Variants in DDC observed in about 807,000 individuals in gnomAD.
DDC encodes aromatic-L-amino-acid decarboxylase.
A neutral mutation model predicts 60.0 loss-of-function variants in DDC; 43 were observed. That is an observed-to-expected ratio of 0.72 (90% CI 0.56 to 0.92). The LOEUF is 0.92. Among genes scored for constraint, DDC ranks in the 40% least tolerant of loss-of-function variants. The pLI is 0.00. For missense variants in DDC, 573 were observed against 620.2 expected, an observed-to-expected ratio of 0.92 and a Z score of 0.81; for synonymous variants, 232 against 234.6, an observed-to-expected ratio of 0.99 and a Z score of 0.10.
At chr7:50,509,933 A>AT (rs2043502465) in intron 6 of DDC, among the ~76,000 whole-genome samples, 1 of 151,952 alleles carries the variant, frequency 6.6e-6, no homozygotes, top group Non-Finnish European at 1.5e-5. Context: ...TGATAAGTAA[A>AT]TTTTCTCATT....
chr7:50,560,252 C>T (rs976252197), intron 1 of DDC, among the ~76,000 whole-genome samples: 1 of 152,138 alleles, frequency 6.6e-6, no homozygotes, highest in South Asian at 2.1e-4. Context: ...GAGAAATTTT[C>T]GCAAGGAGCC....
intron 1 of DDC, among the ~76,000 whole-genome samples, chr7:50,552,556 T>C (rs574404090): frequency 6.6e-6 from 1 of 152,186 alleles, no homozygotes; most frequent in East Asian, 1.9e-4. Flanking sequence ...TGGACTCCCC[T>C]GAACTCCCTC....
chr7:50,506,194 G>C (rs891070124), intron 6 of DDC, among the ~76,000 whole-genome samples: 2 of 152,218 alleles, frequency 1.3e-5, no homozygotes, highest in East Asian at 1.9e-4. Context: ...CTGGTACCTA[G>C]CCCTTGAGTG....
intron 1 of DDC, among the ~76,000 whole-genome samples, chr7:50,555,769 G>A (rs761583340): frequency 6.6e-6 from 1 of 152,132 alleles, no homozygotes; most frequent in Non-Finnish European, 1.5e-5. Flanking sequence ...CAGATGAGAA[G>A]ACCGAGGCGC....
In DDC at chr7:50,470,964, CT is replaced by C. The variant is rs1322327993; in HGVS notation, c.1042-794del. Among the ~76,000 whole-genome samples, 12 of 152,336 alleles carry C rather than the reference CT, an allele frequency of 7.9e-5. 1 individual carries two copies. Among genetic ancestry groups the C allele is most frequent in the Non-Finnish European group, 4.4e-5 (3 of 68,028 alleles). On this transcript the variant is annotated intron_variant, in intron 11 of 14. Transcript: ENST00000444124. ...TGAGGAGAGCTGAGCCAGCTCCCTACTGGGCCTGGGTGACACAGTGCAGCCA... is the reference window on the plus strand; with the variant it reads ...TGAGGAGAGCTGAGCCAGCTCCCTACGGGCCTGGGTGACACAGTGCAGCCA...
At chr7:50,474,400 G>A (rs1020133780) in intron 11 of DDC, among the ~76,000 whole-genome samples, 2 of 152,236 alleles carry the variant, frequency 1.3e-5, no homozygotes, top group Non-Finnish European at 1.5e-5. Context: ...GGTGGAGGGA[G>A]TAGGATGAAG....
intron 1 of DDC, among the ~76,000 whole-genome samples, chr7:50,555,197 C>G (rs1270751837): frequency 6.6e-6 from 1 of 151,994 alleles, no homozygotes; most frequent in Non-Finnish European, 1.5e-5. Context: ...TGCCTTCGAG[C>G]CTCCCACTAA....
rs532894086 is a variant in DDC, at chr7:50,549,385, G to A, written c.-28-5272C>T. Among the ~76,000 whole-genome samples, 7 of 152,270 alleles carry A rather than the reference G, an allele frequency of 4.6e-5. No individual in the cohort carries two copies. In the South Asian group the frequency reaches 1.2e-3, roughly 27 times the overall value. The stretch of plus-strand genomic sequence containing the variant: ...GAACATTTGTGGGCCGGGCGCAGTG[G>A]CTCACTCCTGTAATCCCAGCACTTT... On this transcript the variant is annotated intron_variant, in intron 1 of 14. Transcript: ENST00000444124.
intron 14 of DDC, among the ~76,000 whole-genome samples, chr7:50,460,044 C>A (rs1318546054): frequency 6.9e-6 from 1 of 145,660 alleles, no homozygotes; most frequent in Non-Finnish European, 1.5e-5. Context: ...GCTGCCCCGT[C>A]CGGGAAGGAG....
At chr7:50,460,971 T>C (rs573056954) in intron 14 of DDC, among the ~76,000 whole-genome samples, 11 of 151,758 alleles carry the variant, frequency 7.2e-5, no homozygotes, top group Middle Eastern at 3.4e-3. Context: ...CTTGTTTATC[T>C]GCTGACCCTC....
chr7:50,461,130 G>A (rs1461515005), intron 14 of DDC, among the ~76,000 whole-genome samples: 2 of 151,626 alleles, frequency 1.3e-5, no homozygotes, highest in Non-Finnish European at 2.9e-5. Context: ...TATAAAGAAC[G>A]AACGTATAAT....
chr7:50,469,262 A>T (rs1471961816), intron 12 of DDC, among the ~76,000 whole-genome samples: 5 of 136,194 alleles, frequency 3.7e-5, no homozygotes, highest in African/African-American at 1.7e-4. Flanking sequence ...TTTTAAAAAA[A>T]AAAAAAAAAA....
chr7:50,536,743 G>A (rs1443448173), intron 4 of DDC, among the ~76,000 whole-genome samples: 1 of 152,212 alleles, frequency 6.6e-6, no homozygotes, highest in Non-Finnish European at 1.5e-5. Context: ...TATCAGTCTT[G>A]TTGCTCATTC....
intron 9 of DDC, 101 bp from the exon 10 acceptor site, chr7:50,479,964 G>A: frequency 5.8e-6 from 1 of 171,900 alleles, no homozygotes; most frequent in Non-Finnish European, 1.0e-5. Flanking sequence ...CCTGCTCCCA[G>A]CCCTGCCCTG....
In DDC at chr7:50,529,193, C is replaced by T; in HGVS notation, c.570+15G>A. ...GGTCTTGAAGTCTTGGCTGATACCC[C>T]CACAACACACTCACCTGATCGGATG... On this transcript the variant is annotated intron_variant, in intron 5 of 14. Coordinates refer to ENST00000444124, the MANE Select transcript of DDC (RefSeq NM_001082971.2). The T allele has an allele frequency of 6.2e-7, 1 of 1,612,728 alleles. No homozygotes were observed. Among genetic ancestry groups the T allele is most frequent in the Non-Finnish European group, 8.5e-7 (1 of 1,180,004 alleles).
At chr7:50,478,175 T>C (rs1432444784) in intron 10 of DDC, among the ~76,000 whole-genome samples, 2 of 151,684 alleles carry the variant, frequency 1.3e-5, no homozygotes, top group Non-Finnish European at 2.9e-5. Context: ...GTTGCACCAC[T>C]GCATTCCAGC....
chr7:50,488,066 C>T (rs2042922776), intron 9 of DDC, among the ~76,000 whole-genome samples: 1 of 152,018 alleles, frequency 6.6e-6, no homozygotes, highest in Non-Finnish European at 1.5e-5. Flanking sequence ...CATAGGTAAA[C>T]ACCTGAAATT....
rs572241100 is a variant in DDC at position 50,515,503 on chromosome 7, A to C, written c.715-11444T>G. On this transcript the variant is annotated intron_variant, in intron 6 of 14. Coordinates refer to ENST00000444124, the MANE Select transcript of DDC (RefSeq NM_001082971.2). ...ACCTATAAAGCAAAAATACAAGTTAAAAAGCAAAAACAAAAAACAAACAAA... is the reference window on the plus strand; with the variant it reads ...ACCTATAAAGCAAAAATACAAGTTACAAAGCAAAAACAAAAAACAAACAAA... Among the ~76,000 whole-genome samples, 5 of 152,348 alleles carry C rather than the reference A, an allele frequency of 3.3e-5. No homozygotes were observed. In the South Asian group the frequency reaches 1.0e-3, roughly 32 times the overall value.
intron 1 of DDC, among the ~76,000 whole-genome samples, chr7:50,560,528 T>G (rs2045319285): frequency 6.6e-6 from 1 of 152,170 alleles, no homozygotes. Context: ...GCTCCTCTCC[T>G]TCACGTCTGA....
Sources: allele counts gnomAD v4.1 joint callset (sites outside exome capture counted in the v4.1 genomes callset), GRCh38; gene constraint gnomAD v4.1.1; transcripts MANE v1.5; gene names NCBI Gene and HGNC (gene_info 2026-07-23, HGNC 2026-07-21).